ALK: variants seen among roughly 807,000 people sequenced by gnomAD.
ALK encodes ALK receptor tyrosine kinase.
A neutral mutation model predicts 163.1 loss-of-function variants in ALK; 74 were observed. The observed-to-expected ratio is 0.45, with a 90% CI of 0.38 to 0.55. The LOEUF (loss-of-function observed/expected upper bound fraction) is 0.55, where lower values mean the gene tolerates loss of function less well. Ranked by LOEUF, ALK falls within the 20% of genes least tolerant of loss-of-function variation. The pLI, the probability that ALK is intolerant of heterozygous loss-of-function variation, is 0.00. For synonymous variants in ALK, 960 were observed against 843.2 expected (o/e 1.14, Z -2.40); for missense variants, 2,063 against 2,105.3 (o/e 0.98, Z 0.39).
chr2:29,852,989 A>C lies in ALK; in HGVS notation c.667+67004T>G, dbSNP rs534453528. 4.6e-5 allele frequency among the ~76,000 whole-genome samples: 7 copies of C among 152,256 alleles called. No homozygotes were observed. The East Asian group carries it at 1.4e-3, about 29-fold the overall frequency. On this transcript the variant is annotated intron_variant, in intron 1 of 28. Coordinates refer to ENST00000389048, the MANE Select transcript of ALK (RefSeq NM_004304.5). ...GGTTTTGGACTTCTCAGTATCCAGG[A>C]CTGTGAGAAATAGATGTGGTTGTTT...
intron 3 of ALK, among the ~76,000 whole-genome samples, chr2:29,668,251 T>C (rs1204217297): frequency 1.3e-4 from 20 of 152,034 alleles, no homozygotes; most frequent in Admixed American, 1.2e-3. Context: ...TCTTCTGTAT[T>C]TTTTTAGTCT....
At chr2:29,520,926 C>T (rs774590064) in intron 4 of ALK, among the ~76,000 whole-genome samples, 13 of 152,156 alleles carry the variant, frequency 8.5e-5, no homozygotes, top group Non-Finnish European at 1.3e-4. Context: ...TTCTCTCATC[C>T]GGGTCTTCAT....
At chr2:29,451,993 T>C (rs1157237984) in intron 4 of ALK, among the ~76,000 whole-genome samples, 2 of 152,226 alleles carry the variant, frequency 1.3e-5, no homozygotes, top group African/African-American at 4.8e-5. Flanking sequence ...TTAAAATGTT[T>C]ATTTGATTTC....
intron 1 of ALK, among the ~76,000 whole-genome samples, chr2:29,752,040 G>C (rs952053523): frequency 6.6e-6 from 1 of 152,184 alleles, no homozygotes; most frequent in African/African-American, 2.4e-5. Flanking sequence ...TCTAACCTGA[G>C]TCTGTCTGTC....
intron 4 of ALK, among the ~76,000 whole-genome samples, chr2:29,481,161 A>G (rs761182976): frequency 1.3e-5 from 2 of 152,204 alleles, no homozygotes; most frequent in Non-Finnish European, 2.9e-5. Flanking sequence ...CACCCAAGCC[A>G]TGCAGCTGGT....
At chr2:29,296,466 C>T (rs1666181896) in intron 9 of ALK, among the ~76,000 whole-genome samples, 1 of 152,210 alleles carries the variant, frequency 6.6e-6, no homozygotes, top group Admixed American at 6.5e-5. Context: ...GTCCTACCTA[C>T]CTTGCAGGTT....
rs148753638 is a variant in ALK at position 29,663,665 on chromosome 2, T to C, written c.952+31185A>G. Among the ~76,000 whole-genome samples, 13 of 152,256 alleles carry C rather than the reference T, an allele frequency of 8.5e-5. No homozygotes were observed. The East Asian group carries it at 2.5e-3, about 29-fold the overall frequency. On this transcript the variant is annotated intron_variant, in intron 3 of 28. Transcript: ENST00000389048. ...TCATAACAGACAATGAATCAGGCAA[T>C]ATTTTCAACTAGTTTTCATTCTCCT...
At chr2:29,432,663 A>G (rs1670299321) in intron 4 of ALK, among the ~76,000 whole-genome samples, 1 of 151,952 alleles carries the variant, frequency 6.6e-6, no homozygotes, top group African/African-American at 2.4e-5. Flanking sequence ...TGTTCCTATA[A>G]TTCCATTTTC....
At chr2:29,738,126 A>G (rs1679945846) in intron 1 of ALK, among the ~76,000 whole-genome samples, 1 of 151,922 alleles carries the variant, frequency 6.6e-6, no homozygotes, top group African/African-American at 2.4e-5. Context: ...AGATCATGTT[A>G]TATTATACTC....
At chr2:29,535,576 C>T (rs78309859) in intron 3 of ALK, among the ~76,000 whole-genome samples, 2,646 of 152,300 alleles carry the variant, frequency 0.017, 47 homozygotes, top group African/African-American at 0.05. Context: ...GTAGGCAGTA[C>T]TGTGCCTGCT....
intron 3 of ALK, among the ~76,000 whole-genome samples, chr2:29,643,140 T>C (rs943989226): frequency 6.6e-6 from 1 of 151,996 alleles, no homozygotes; most frequent in African/African-American, 2.4e-5. Context: ...ATAATCTTTT[T>C]GGCTGGGGAA....
In ALK at chr2:29,410,425, G is replaced by C. The variant is rs114376556; in HGVS notation, c.1155-26566C>G. Among the ~76,000 whole-genome samples the C allele has an allele frequency of 9.4e-3, 1,437 of 152,248 alleles. 19 individuals carry two copies. Among genetic ancestry groups the C allele is most frequent in the African/African-American group, 0.032 (1,312 of 41,538 alleles). Reference sequence around the variant, plus strand: ...TAGACTGAACCTATGTACTTTTTACGTATATTGATTGATGTGTCATGTCTC... The same window carrying C: ...TAGACTGAACCTATGTACTTTTTACCTATATTGATTGATGTGTCATGTCTC... On this transcript the variant is annotated intron_variant, in intron 4 of 28. Coordinates refer to ENST00000389048, the MANE Select transcript of ALK (RefSeq NM_004304.5).
intron 9 of ALK, among the ~76,000 whole-genome samples, chr2:29,281,698 C>T (rs1445054588): frequency 3.3e-5 from 5 of 152,148 alleles, no homozygotes; most frequent in Admixed American, 6.5e-5. Flanking sequence ...TCTACAGAGA[C>T]GCCTTTTGAA....
At chr2:29,361,280 C>G (rs1386072292) in intron 5 of ALK, among the ~76,000 whole-genome samples, 1 of 152,210 alleles carries the variant, frequency 6.6e-6, no homozygotes, top group Non-Finnish European at 1.5e-5. Flanking sequence ...CCGGGAAAAA[C>G]AGCCGTTTGG....
intron 5 of ALK, among the ~76,000 whole-genome samples, chr2:29,375,731 A>T (rs1668738906): frequency 6.6e-6 from 1 of 152,212 alleles, no homozygotes; most frequent in Non-Finnish European, 1.5e-5. Flanking sequence ...AGTAAGAGGT[A>T]GGAAGGAGAC....
At chr2:29,638,238 A>T (rs1676600896) in intron 3 of ALK, among the ~76,000 whole-genome samples, 1 of 152,228 alleles carries the variant, frequency 6.6e-6, no homozygotes, top group South Asian at 2.1e-4. Context: ...TAGAAAGGTA[A>T]TGGTGTCTAC....
chr2:29,798,451 A>G (rs1219333047), intron 1 of ALK, among the ~76,000 whole-genome samples: 1 of 152,254 alleles, frequency 6.6e-6, no homozygotes, highest in Non-Finnish European at 1.5e-5. Flanking sequence ...GTTGTTTAAA[A>G]TTTAGAAACC....
chr2:29,429,156 T>G (rs1670214296), intron 4 of ALK, among the ~76,000 whole-genome samples: 1 of 152,054 alleles, frequency 6.6e-6, no homozygotes, highest in Non-Finnish European at 1.5e-5. Flanking sequence ...TATACTTTAA[T>G]TATTAAAGAC....
At chr2:29,802,890 A>T (rs918563147) in intron 1 of ALK, among the ~76,000 whole-genome samples, 4 of 151,946 alleles carry the variant, frequency 2.6e-5, no homozygotes, top group Non-Finnish European at 4.4e-5. Context: ...AGACAGTGAC[A>T]GCCATCCCCT....
Sources: allele counts gnomAD v4.1 joint callset (sites outside exome capture counted in the v4.1 genomes callset), GRCh38; gene constraint gnomAD v4.1.1; transcripts MANE v1.5; gene names NCBI Gene and HGNC (gene_info 2026-07-23, HGNC 2026-07-21).